The following TMEM89 variants were observed in gnomAD, a reference collection of about 807,000 sequenced individuals.
TMEM89 encodes transmembrane protein 89.
Under a neutral mutation model 9.3 loss-of-function variants are expected in TMEM89, and 4 were observed. The observed-to-expected ratio is 0.43, with a 90% confidence interval of 0.21 to 0.98. The LOEUF is 0.98. Ranked by LOEUF, TMEM89 falls within the 50% of genes least tolerant of loss-of-function variation. The probability of loss-of-function intolerance (pLI) is 0.27; values close to 1 mark genes in which losing one functional copy is unlikely to be tolerated. For missense variants in TMEM89, 220 were observed against 214.7 expected, an observed-to-expected ratio of 1.02 and a Z score of -0.15; for synonymous variants, 96 against 92.5, an observed-to-expected ratio of 1.04 and a Z score of -0.21.
chr3:48,621,312 CAG>C, intron 1 of TMEM89, 149 bp downstream of exon 1: 1 of 1,014,160 alleles, frequency 9.9e-7, no homozygotes, highest in Non-Finnish European at 1.4e-6. Flanking sequence ...TGTGTGGACA[CAG>C]GGACAATGGG....
At position 48,620,774 on chromosome 3, in the gene TMEM89, A is replaced by T; in HGVS notation, c.*68T>A. ...AGCTGAAAAGGGACACACGGTCCAG[A>T]CAGGCCTGGAAAGAGCAGACCTGGC... On this transcript the variant is annotated 3_prime_UTR_variant, in exon 2 of 2. Transcript: ENST00000330862. 6.8e-7 allele frequency: 1 copy of T among 1,475,192 alleles called. No individual in the cohort carries two copies. The highest frequency in any genetic ancestry group is 9.4e-7 in the Non-Finnish European group (1 of 1,058,236). The allele number at this position is 1,475,192 out of a possible 1,614,324, so 91.4% of individuals were successfully genotyped here.
In TMEM89 at chr3:48,621,527, G is replaced by C. The variant is rs149964639; in HGVS notation, c.230C>G (p.Thr77Arg). Reference protein sequence around the residue: ...YPVAAVMITTTMLMICRKILQ... With the variant: ...YPVAAVMITTRMLMICRKILQ... ...TATCTTGCGGCAGATCATCAGCATC[G>C]TGGTGGTGATCATGACCGCAGCCAC... The change falls in exon 1 of 2, where the codon ACG becomes AGG. Residue 77 changes from threonine (T) to arginine (R), a missense_variant. By Grantham distance (71) the Thr-to-Arg change is moderately conservative. Coordinates refer to ENST00000330862, the MANE Select transcript of TMEM89 (RefSeq NM_001008269.3). 6.2e-7 allele frequency: 1 copy of C among 1,613,856 alleles called. No homozygotes were observed. The highest frequency in any genetic ancestry group is 8.5e-7 in the Non-Finnish European group (1 of 1,179,966).
intron 1 of TMEM89, 138 bp from the exon 2 acceptor site, chr3:48,621,165 A>G (rs1234917158): frequency 3.3e-6 from 3 of 908,748 alleles, no homozygotes; most frequent in Middle Eastern, 3.4e-4. Context: ...ACTCAGGGTG[A>G]TAGAGGATCA....
chr3:48,621,209 G>A (rs936950589), intron 1 of TMEM89, among the ~76,000 whole-genome samples, 182 bp from the exon 2 acceptor site: 1 of 152,098 alleles, frequency 6.6e-6, no homozygotes, highest in Admixed American at 6.5e-5. Flanking sequence ...GTGGTCATGG[G>A]GCCCACAGGG....
Position 48,621,001 on chromosome 3 carries a change from G to A in TMEM89, c.321C>T (p.Cys107=), listed in dbSNP as rs753368260. 34 of 1,614,024 alleles carry A rather than the reference G, an allele frequency of 2.1e-5. No individual in the cohort carries two copies. Among genetic ancestry groups the A allele is most frequent in the South Asian group, 1.1e-4 (10 of 91,068 alleles). ...TTGGGGCCCGCCGTTTCCAGGGTCC[G>A]CAGGGCTCAGTGGTCACCTGCGGAT... ...GEHPQVTTEP[C]GPWKRRAPIS... is the part of the protein sequence containing the mutation. Residue 107 remains cysteine, a synonymous_variant, in exon 2 of 2, where the codon TGC becomes TGT. Coordinates refer to ENST00000330862, the MANE Select transcript of TMEM89 (RefSeq NM_001008269.3).
At chr3:48,621,376 T>A (rs1485978323) in intron 1 of TMEM89, 87 bp downstream of exon 1, 4 of 1,478,042 alleles carry the variant, frequency 2.7e-6, no homozygotes, top group Non-Finnish European at 3.6e-6. Context: ...TGTGGACCCA[T>A]GGGGCAGGGT....
In TMEM89 at chr3:48,621,683, C is replaced by G. The variant is rs1286809704; in HGVS notation, c.74G>C (p.Arg25Thr). The G allele has an allele frequency of 3.1e-6, 5 of 1,613,758 alleles. No homozygotes were observed. Among genetic ancestry groups the G allele is most frequent in the Non-Finnish European group, 3.4e-6 (4 of 1,179,994 alleles). The change falls in exon 1 of 2, where the codon AGA (arginine) becomes ACA (threonine). Residue 25 changes from arginine to threonine, a missense_variant. Arg to Thr is a moderately conservative substitution (Grantham distance 71). Coordinates refer to ENST00000330862, the MANE Select transcript of TMEM89 (RefSeq NM_001008269.3). The part of the protein sequence containing the change: ...VTSASTHAWS[R>T]PLWYQVGLDL... ...CAGCCCCACCTGGTACCAGAGGGGT[C>G]TCGACCAGGCGTGGGTGGAGGCAGA...
chr3:48,621,549 C>T lies in TMEM89; in HGVS notation c.208G>A (p.Ala70Thr), dbSNP rs764375858. 6.2e-7 allele frequency: 1 copy of T among 1,613,756 alleles called. No homozygotes were observed. Among genetic ancestry groups the T allele is most frequent in the African/African-American group, 1.3e-5 (1 of 74,898 alleles). Reference sequence around the variant, plus strand: ...ATCGTGGTGGTGATCATGACCGCAGCCACGGGGTAGATGCGGCTTGCTCCA... The same window carrying T: ...ATCGTGGTGGTGATCATGACCGCAGTCACGGGGTAGATGCGGCTTGCTCCA... ...GPGASRIYPV[A>T]AVMITTTMLM... The change falls in exon 1 of 2, where the codon GCT becomes ACT. Residue 70 changes from alanine (A) to threonine (T), a missense_variant. Transcript: ENST00000330862.
intron 1 of TMEM89, 130 bp downstream of exon 1, chr3:48,621,333 T>C (rs1220924439): frequency 7.5e-6 from 7 of 929,174 alleles, no homozygotes; most frequent in Non-Finnish European, 1.4e-6. Context: ...GGCTGTGAGC[T>C]GGGGGTGGGG....
chr3:48,621,525 T>C lies in TMEM89; in HGVS notation c.232A>G (p.Met78Val), dbSNP rs1465043846. Residue 78 changes from methionine (M) to valine (V), a missense_variant, in exon 1 of 2, where the codon ATG becomes GTG. Transcript: ENST00000330862. Reference protein sequence around the residue: ...PVAAVMITTTMLMICRKILQG... With the variant: ...PVAAVMITTTVLMICRKILQG... ...AGTATCTTGCGGCAGATCATCAGCA[T>C]CGTGGTGGTGATCATGACCGCAGCC... 16 of 1,613,748 alleles carry C rather than the reference T, an allele frequency of 9.9e-6. No individual in the cohort carries two copies. Among genetic ancestry groups the C allele is most frequent in the Non-Finnish European group, 1.3e-5 (15 of 1,179,980 alleles).
rs140455200 is a variant in TMEM89 at position 48,621,492 on chromosome 3, G to A, written c.265C>T (p.Arg89Trp). Reference sequence around the variant, plus strand: ...CCCTTGGTGGCCTGTGAGCGCCGCCGCCCCTGCAGTATCTTGCGGCAGATC... The same window carrying A: ...CCCTTGGTGGCCTGTGAGCGCCGCCACCCCTGCAGTATCTTGCGGCAGATC... ...LMICRKILQG[R>W]RRSQATKGEH... The change falls in exon 1 of 2, where the codon CGG becomes TGG. Residue 89 changes from arginine (R) to tryptophan (W), a missense_variant. Transcript: ENST00000330862. The A allele has an allele frequency of 1.1e-4, 176 of 1,613,646 alleles. No individual in the cohort carries two copies. Among genetic ancestry groups the A allele is most frequent in the South Asian group, 1.9e-4 (17 of 91,060 alleles).
At position 48,621,721 on chromosome 3, in the gene TMEM89, G is replaced by A. The variant is rs150917833; in HGVS notation, c.36C>T (p.Leu12=). 6.3e-5 allele frequency: 102 copies of A among 1,613,266 alleles called. No homozygotes were observed. Among genetic ancestry groups the A allele is most frequent in the African/African-American group, 4.7e-4 (35 of 74,924 alleles). ...LHVLASLPLL[L]LLVTSASTHA... is the part of the protein sequence containing the mutation. Reference sequence around the variant, plus strand: ...GGGTGGAGGCAGACGTCACCAGCAGGAGCAGCAAAGGCAGCGAGGCCAGCA... The same window carrying A: ...GGGTGGAGGCAGACGTCACCAGCAGAAGCAGCAAAGGCAGCGAGGCCAGCA... Residue 12 remains leucine (L), a synonymous_variant, in exon 1 of 2, where the codon CTC becomes CTT. Coordinates refer to ENST00000330862, the MANE Select transcript of TMEM89 (RefSeq NM_001008269.3).
At position 48,621,530 on chromosome 3, in the gene TMEM89, G is replaced by A. The variant is rs764662463; in HGVS notation, c.227C>T (p.Thr76Ile). 2.5e-6 allele frequency: 4 copies of A among 1,613,898 alleles called. No individual in the cohort carries two copies. Among genetic ancestry groups the A allele is most frequent in the East Asian group, 4.5e-5 (2 of 44,882 alleles). Residue 76 changes from threonine to isoleucine, a missense_variant, in exon 1 of 2, where the codon ACC (threonine) becomes ATC (isoleucine). Transcript: ENST00000330862. ...CTTGCGGCAGATCATCAGCATCGTG[G>A]TGGTGATCATGACCGCAGCCACGGG... is the stretch of plus-strand genomic sequence containing the variant. Reference protein sequence around the residue: ...IYPVAAVMITTTMLMICRKIL... With the variant: ...IYPVAAVMITITMLMICRKIL...
In TMEM89 at chr3:48,621,390, G is replaced by A. The variant is rs1479194411; in HGVS notation, c.294+73C>T. 7.7e-6 allele frequency: 12 copies of A among 1,550,272 alleles called. No homozygotes were observed. The Admixed American group carries it at 1.2e-4, about 15-fold the overall frequency. On this transcript the variant is annotated intron_variant, in intron 1 of 1. Transcript: ENST00000330862. ...GTGTGGACCCATGGGGCAGGGTTGG[G>A]TGGAAGACGGGCTCACTGAGCGTAC...
chr3:48,621,559 G>T lies in TMEM89; in HGVS notation c.198C>A (p.Ile66=). 6.2e-7 allele frequency: 1 copy of T among 1,613,758 alleles called. No homozygotes were observed. Reference sequence around the variant, plus strand: ...TGATCATGACCGCAGCCACGGGGTAGATGCGGCTTGCTCCAGGGCCCAGCC... The same window carrying T: ...TGATCATGACCGCAGCCACGGGGTATATGCGGCTTGCTCCAGGGCCCAGCC... The part of the protein sequence containing the change: ...GYWLGPGASR[I]YPVAAVMITT... The change falls in exon 1 of 2, where the codon ATC becomes ATA. Residue 66 remains isoleucine, a synonymous_variant. Transcript: ENST00000330862.
rs763378279 is a variant in TMEM89 at position 48,621,694 on chromosome 3, G to A, written c.63C>T (p.His21=). 36 of 1,613,776 alleles carry A rather than the reference G, an allele frequency of 2.2e-5. No homozygotes were observed. Among genetic ancestry groups the A allele is most frequent in the East Asian group, 4.5e-5 (2 of 44,884 alleles). ...GGTACCAGAGGGGTCTCGACCAGGC[G>A]TGGGTGGAGGCAGACGTCACCAGCA... ...LLLLVTSAST[H]AWSRPLWYQV... The change falls in exon 1 of 2, where the codon CAC becomes CAT. Residue 21 remains histidine, a synonymous_variant. Transcript: ENST00000330862.
chr3:48,621,714 C>G lies in TMEM89; in HGVS notation c.43G>C (p.Val15Leu). The G allele has an allele frequency of 6.2e-7, 1 of 1,613,488 alleles. No homozygotes were observed. ...LASLPLLLLLVTSASTHAWSR... is the reference protein window; with the variant it reads ...LASLPLLLLLLTSASTHAWSR... Reference sequence around the variant, plus strand: ...CAGGCGTGGGTGGAGGCAGACGTCACCAGCAGGAGCAGCAAAGGCAGCGAG... The same window carrying G: ...CAGGCGTGGGTGGAGGCAGACGTCAGCAGCAGGAGCAGCAAAGGCAGCGAG... The change falls in exon 1 of 2, where the codon GTG becomes CTG. Residue 15 changes from valine (V) to leucine (L), a missense_variant. Coordinates refer to ENST00000330862, the MANE Select transcript of TMEM89 (RefSeq NM_001008269.3).
At position 48,621,765 on chromosome 3, in the gene TMEM89, C is replaced by T. The variant is rs1181013590; in HGVS notation, c.-9G>A. On this transcript the variant is annotated 5_prime_UTR_variant, in exon 1 of 2. Coordinates refer to ENST00000330862, the MANE Select transcript of TMEM89 (RefSeq NM_001008269.3). ...GCCAGCACATGCAGCATGGCCGTCG[C>T]TAGTGCCAGGGCCGGAACCCGGGCA... 10 of 1,607,762 alleles carry T rather than the reference C, an allele frequency of 6.2e-6. No homozygotes were observed.
rs1318465710 is a variant in TMEM89, at chr3:48,621,601, C to A, written c.156G>T (p.Leu52=). The change falls in exon 1 of 2, where the codon CTG becomes CTT. Residue 52 remains leucine (L), a synonymous_variant. Transcript: ENST00000330862. ...GGCCCAGCCAGTAGCCAGGACAGCT[C>A]AGGCCACCCCTACAGCCCTCCACAC... ...PKSVEGCRGG[L]SCPGYWLGPG... 11 of 1,613,824 alleles carry A rather than the reference C, an allele frequency of 6.8e-6. No homozygotes were observed. The Admixed American group carries it at 1.2e-4, about 17-fold the overall frequency.
Sources: allele counts gnomAD v4.1 joint callset (sites outside exome capture counted in the v4.1 genomes callset), GRCh38; gene constraint gnomAD v4.1.1; transcripts MANE v1.5; gene names NCBI Gene and HGNC (gene_info 2026-07-23, HGNC 2026-07-21).